PSMC1: variants seen among roughly 807,000 people sequenced by gnomAD.
The protein encoded by PSMC1 is proteasome 26S subunit, ATPase 1, also known as 26S proteasome regulatory subunit 4.
PSMC1 carries 5 observed loss-of-function variants against 49.8 expected under a neutral mutation model. The ratio of observed to expected loss-of-function variants is 0.10; its 90% confidence interval spans 0.05 to 0.21. The LOEUF is 0.21. Ranked by LOEUF, PSMC1 falls within the 10% of genes least tolerant of loss-of-function variation. The pLI is 1.00. For missense variants in PSMC1, 181 were observed against 535.7 expected (o/e 0.34, Z 6.54); for synonymous variants, 155 against 192.1 (o/e 0.81, Z 1.60).
At chr14:90,264,266 T>G in intron 6 of PSMC1, 97 bp downstream of exon 6, 1 of 1,523,934 alleles carries the variant, frequency 6.6e-7, no homozygotes, top group Non-Finnish European at 8.9e-7. Context: ...GCTTATTTAT[T>G]AATCAAACCA....
intron 4 of PSMC1, 87 bp downstream of exon 4, chr14:90,263,529 A>C: frequency 6.8e-7 from 1 of 1,466,942 alleles, no homozygotes; most frequent in Non-Finnish European, 9.3e-7. Flanking sequence ...AAGTAGCTGA[A>C]CCTGTCCAGG....
In PSMC1 at chr14:90,269,326, T is replaced by G; in HGVS notation, c.882-71T>G. Reference sequence around the variant, plus strand: ...GTTAAGGTGTTTTGTCACAATGAGGTCTTTGCTGTAATTCCCCTTGAGCAG... The same window carrying G: ...GTTAAGGTGTTTTGTCACAATGAGGGCTTTGCTGTAATTCCCCTTGAGCAG... On this transcript the variant is annotated intron_variant, in intron 8 of 10. Transcript: ENST00000261303. The G allele has an allele frequency of 4.5e-6, 6 of 1,341,428 alleles. No homozygotes were observed. The South Asian group carries it at 8.1e-5, about 18-fold the overall frequency. The allele number at this position is 1,341,428 out of a possible 1,614,324, so 83.1% of individuals were successfully genotyped here.
intron 8 of PSMC1, chr14:90,269,008 G>A (rs1891590935): frequency 6.1e-6 from 1 of 164,914 alleles, no homozygotes; most frequent in African/African-American, 2.4e-5. Flanking sequence ...CAAATGCTCA[G>A]GGGACAAACA....
chr14:90,261,224 GTTC>G (rs1891391380), intron 3 of PSMC1, among the ~76,000 whole-genome samples: 1 of 152,068 alleles, frequency 6.6e-6, no homozygotes, highest in Non-Finnish European at 1.5e-5. Context: ...TGTTCCCCCA[GTTC>G]TTCTCATGGC....
intron 3 of PSMC1, 126 bp downstream of exon 3, chr14:90,260,337 TC>T: frequency 1.5e-6 from 1 of 666,594 alleles, no homozygotes. Flanking sequence ...GCTTTGTGAT[TC>T]ATTTCTACCT....
chr14:90,260,727 G>A (rs897979743), intron 3 of PSMC1, among the ~76,000 whole-genome samples: 17 of 152,032 alleles, frequency 1.1e-4, no homozygotes, highest in African/African-American at 3.6e-4. Flanking sequence ...GCGAGACTCC[G>A]TCTCAAAAAA....
chr14:90,266,039 T>TA (rs1251849184), intron 7 of PSMC1, among the ~76,000 whole-genome samples: 1 of 152,000 alleles, frequency 6.6e-6, no homozygotes, highest in East Asian at 1.9e-4. Flanking sequence ...ATGGATGACT[T>TA]GAGGCCAGGA....
rs1460754634 is a variant in PSMC1, at chr14:90,273,015, C to T, written c.*608C>T. 1 of 152,154 alleles carries T rather than the reference C, an allele frequency of 6.6e-6. No homozygotes were observed. Among genetic ancestry groups the T allele is most frequent in the Non-Finnish European group, 1.5e-5 (1 of 68,030 alleles). The allele number at this position is 152,154 out of a possible 1,614,324, so 9.4% of individuals were successfully genotyped here. A position where few individuals can be genotyped will look rare whatever the true frequency, so the allele number is the denominator to read the frequency against. On this transcript the variant is annotated 3_prime_UTR_variant, in exon 11 of 11. Coordinates refer to ENST00000261303, the MANE Select transcript of PSMC1 (RefSeq NM_002802.3). ...GATATCTTGAAAGCCCTTCTGAGCC[C>T]TTGGGCTCAGAAATCTCATCCCTTT...
chr14:90,264,419 CTG>C (rs1415071178), intron 6 of PSMC1, among the ~76,000 whole-genome samples: 3 of 152,144 alleles, frequency 2.0e-5, no homozygotes, highest in Non-Finnish European at 4.4e-5. Context: ...AATGCATTGT[CTG>C]TGTGAATATG....
chr14:90,259,491 A>G (rs1891355089), intron 2 of PSMC1, among the ~76,000 whole-genome samples: 1 of 152,222 alleles, frequency 6.6e-6, no homozygotes, highest in Admixed American at 6.5e-5. Context: ...TTGGTGTCTA[A>G]TAGCCTGAGG....
chr14:90,268,146 G>T, intron 7 of PSMC1, 78 bp from the exon 8 acceptor site: 2 of 1,222,604 alleles, frequency 1.6e-6, no homozygotes, highest in Non-Finnish European at 2.2e-6. Context: ...TCCATTTAAG[G>T]TGGTAATGAT....
intron 1 of PSMC1, among the ~76,000 whole-genome samples, chr14:90,258,055 G>A (rs60548738): frequency 0.55 from 83,795 of 151,958 alleles, 23,775 homozygotes; most frequent in Middle Eastern, 0.72. Flanking sequence ...TGGAACACAA[G>A]CCCCATCGTT....
At position 90,272,788 on chromosome 14, in the gene PSMC1, C is replaced by T. The variant is rs1271668422; in HGVS notation, c.*381C>T. 3 of 161,372 alleles carry T rather than the reference C, an allele frequency of 1.9e-5. No homozygotes were observed. The highest frequency in any genetic ancestry group is 4.8e-5 in the African/African-American group (2 of 41,690). The allele number at this position is 161,372 out of a possible 1,614,324, so 10.0% of individuals were successfully genotyped here. A position where few individuals can be genotyped will look rare whatever the true frequency, so the allele number is the denominator to read the frequency against. The stretch of plus-strand genomic sequence containing the variant: ...TCACACCCCCAGAGCTGGCGTTCAA[C>T]GGTAATTACAGTGGGAAATGGTCAC... On this transcript the variant is annotated 3_prime_UTR_variant, in exon 11 of 11. Transcript: ENST00000261303. The surrounding 1 kb of genome is among the most constrained non-coding windows in gnomAD (Gnocchi z 4.5).
At chr14:90,269,637 T>TA in intron 9 of PSMC1, 89 bp downstream of exon 9, 2 of 1,432,620 alleles carry the variant, frequency 1.4e-6, no homozygotes, top group South Asian at 2.7e-5. Flanking sequence ...AAATGATACA[T>TA]AAAAAAGCAA....
intron 3 of PSMC1, among the ~76,000 whole-genome samples, chr14:90,260,979 T>A (rs1335747606): frequency 6.6e-6 from 1 of 152,188 alleles, no homozygotes; most frequent in Admixed American, 6.5e-5. Flanking sequence ...TTTCATGAAA[T>A]GAAATGCCAC....
At chr14:90,269,711 CAG>C (rs10599013) in intron 9 of PSMC1, 163 bp downstream of exon 9, 74,558 of 686,208 alleles carry the variant, frequency 0.11, 4,892 homozygotes, top group African/African-American at 0.19. Flanking sequence ...AGGGTTAAAA[CAG>C]AGCATGATAT....
chr14:90,268,564 G>A, intron 8 of PSMC1, 151 bp downstream of exon 8: 1 of 715,940 alleles, frequency 1.4e-6, no homozygotes. Context: ...TGCTCTCCCA[G>A]GAGCCAGCTA....
chr14:90,257,648 G>A (rs1282883349), intron 1 of PSMC1, among the ~76,000 whole-genome samples: 1 of 151,934 alleles, frequency 6.6e-6, no homozygotes, highest in Admixed American at 6.6e-5. Context: ...TTGGTCTGTC[G>A]TCCAGGCTGG....
chr14:90,262,154 T>TG (rs1891411517), intron 3 of PSMC1, among the ~76,000 whole-genome samples: 5 of 33,916 alleles, frequency 1.5e-4, no homozygotes, highest in South Asian at 3.4e-3. Flanking sequence ...TGTCGTGGGG[T>TG]GGGGGGAGGG....
Sources: allele counts gnomAD v4.1 joint callset (sites outside exome capture counted in the v4.1 genomes callset), GRCh38; gene constraint gnomAD v4.1.1; non-coding constraint Gnocchi (gnomAD v3.1); transcripts MANE v1.5; gene names NCBI Gene and HGNC (gene_info 2026-07-23, HGNC 2026-07-21).